AFG2A: variants seen among roughly 807,000 people sequenced by gnomAD.
The protein encoded by AFG2A is ATPase family gene 2 protein homolog A.
the AFG2A span, chr4:123,090,760 T>C: frequency 2.2e-5 from 34 of 1,579,180 alleles, no homozygotes; most frequent in Non-Finnish European, 2.8e-5. Flanking sequence ...TTGTTTGATT[T>C]TATCAGGTTT....
the AFG2A span, among the ~76,000 whole-genome samples, chr4:123,155,950 A>G: frequency 6.6e-6 from 1 of 152,206 alleles, no homozygotes; most frequent in African/African-American, 2.4e-5. Context: ...AATGCCTAAA[A>G]TTGGGTAATT....
chr4:123,056,124 G>A, the AFG2A span, among the ~76,000 whole-genome samples: 1 of 152,182 alleles, frequency 6.6e-6, no homozygotes, highest in African/African-American at 2.4e-5. Flanking sequence ...TGTGGATAGA[G>A]TTATAGACAG....
the AFG2A span, among the ~76,000 whole-genome samples, chr4:123,218,636 CACATAT>C: frequency 7.6e-6 from 1 of 131,024 alleles, no homozygotes. Flanking sequence ...TTTACATAAA[CACATAT>C]ACATACATAC....
chr4:123,282,169 G>C, the AFG2A span, among the ~76,000 whole-genome samples: 1 of 152,100 alleles, frequency 6.6e-6, no homozygotes, highest in African/African-American at 2.4e-5. Flanking sequence ...GTTTTACTGT[G>C]AACCTCAAAC....
At chr4:123,052,661 T>C in the AFG2A span, among the ~76,000 whole-genome samples, 1 of 152,304 alleles carries the variant, frequency 6.6e-6, no homozygotes, top group South Asian at 2.1e-4. Flanking sequence ...TTCAGCTATC[T>C]AAACACTAGG....
the AFG2A span, among the ~76,000 whole-genome samples, chr4:123,036,098 G>A: frequency 1.3e-4 from 20 of 152,172 alleles, no homozygotes; most frequent in African/African-American, 4.6e-4. Context: ...TTTACAATTG[G>A]AATAGCAAAA....
chr4:123,149,798 CTTTTT>C, the AFG2A span, among the ~76,000 whole-genome samples: 1,063 of 121,316 alleles, frequency 8.8e-3, 3 homozygotes, highest in African/African-American at 0.038. Flanking sequence ...TAGGAAATAG[CTTTTT>C]TTTTTTTTTT....
the AFG2A span, among the ~76,000 whole-genome samples, chr4:123,059,012 G>A: frequency 6.6e-6 from 1 of 152,016 alleles, no homozygotes; most frequent in Non-Finnish European, 1.5e-5. Flanking sequence ...GTACTATGGG[G>A]GTACAGGCAT....
the AFG2A span, among the ~76,000 whole-genome samples, chr4:123,114,747 G>C: frequency 6.6e-6 from 1 of 152,216 alleles, no homozygotes; most frequent in African/African-American, 2.4e-5. Context: ...GCCAGTCCCT[G>C]GCTCTGCAGA....
chr4:122,947,230 T>A, the AFG2A span: 1 of 1,558,164 alleles, frequency 6.4e-7, no homozygotes. Flanking sequence ...TTTATTTTGT[T>A]AGGAAGTAAG....
chr4:122,962,969 A>G, the AFG2A span, among the ~76,000 whole-genome samples: 5 of 152,174 alleles, frequency 3.3e-5, no homozygotes, highest in Admixed American at 6.5e-5. Context: ...ACTTTGAATT[A>G]TAGGTTTTGA....
chr4:123,271,495 T>C, the AFG2A span, among the ~76,000 whole-genome samples: 1 of 152,168 alleles, frequency 6.6e-6, no homozygotes, highest in African/African-American at 2.4e-5. Context: ...AGTGCACAGC[T>C]TTGGTGTGAG....
At chr4:123,209,329 T>C in the AFG2A span, among the ~76,000 whole-genome samples, 1 of 152,130 alleles carries the variant, frequency 6.6e-6, no homozygotes, top group African/African-American at 2.4e-5. Flanking sequence ...AAATGAATGA[T>C]TACTTGGTAG....
At chr4:123,033,676 G>A in the AFG2A span, among the ~76,000 whole-genome samples, 2 of 152,298 alleles carry the variant, frequency 1.3e-5, no homozygotes, top group Admixed American at 1.3e-4. Context: ...TATATAATTT[G>A]TGCCCTTGAT....
chr4:123,238,650 AG>A, the AFG2A span, among the ~76,000 whole-genome samples: 1 of 152,240 alleles, frequency 6.6e-6, no homozygotes, highest in Non-Finnish European at 1.5e-5. Flanking sequence ...ATCAACAGAA[AG>A]GACTTCCACA....
the AFG2A span, among the ~76,000 whole-genome samples, chr4:123,071,421 G>A: frequency 3.3e-5 from 5 of 151,354 alleles, no homozygotes; most frequent in East Asian, 1.9e-4. Flanking sequence ...CGGAGGTTGC[G>A]ATGAGCCGAG....
the AFG2A span, among the ~76,000 whole-genome samples, chr4:122,961,995 G>A: frequency 6.6e-6 from 1 of 152,236 alleles, no homozygotes; most frequent in Non-Finnish European, 1.5e-5. Flanking sequence ...TGGACCTGGG[G>A]TGAGAGGGTG....
the AFG2A span, among the ~76,000 whole-genome samples, chr4:123,109,520 T>C: frequency 6.6e-6 from 1 of 152,168 alleles, no homozygotes; most frequent in African/African-American, 2.4e-5. Context: ...AACTAAGAAA[T>C]ACTCATATGA....
At chr4:122,977,089 C>A in the AFG2A span, among the ~76,000 whole-genome samples, 1 of 152,278 alleles carries the variant, frequency 6.6e-6, no homozygotes, top group Admixed American at 6.5e-5. Flanking sequence ...TGTAATCTTG[C>A]ATGGGGTTTG....
Sources: allele counts gnomAD v4.1 joint callset (sites outside exome capture counted in the v4.1 genomes callset), GRCh38; gene constraint gnomAD v4.1.1; transcripts MANE v1.5; gene names NCBI Gene and HGNC (gene_info 2026-07-23, HGNC 2026-07-21).